ACYP2: variants seen among roughly 807,000 people sequenced by gnomAD.
The protein encoded by ACYP2 is acylphosphatase-2.
Under a neutral mutation model 11.2 loss-of-function variants are expected in ACYP2, and 12 were observed. The observed-to-expected ratio is 1.08, with a 90% confidence interval of 0.69 to 1.74. The LOEUF (loss-of-function observed/expected upper bound fraction) is 1.74. Among genes scored for constraint, ACYP2 ranks in the 40% most tolerant of loss-of-function variants. The probability of loss-of-function intolerance (pLI) is 0.00; values close to 1 mark genes in which losing one functional copy is unlikely to be tolerated. For missense variants in ACYP2, 134 were observed against 101.9 expected, an observed-to-expected ratio of 1.31 and a Z score of -1.35; for synonymous variants, 43 against 32.2, an observed-to-expected ratio of 1.33 and a Z score of -1.13.
At chr2:54,120,467 C>G (rs568553465) in intron 4 of ACYP2, among the ~76,000 whole-genome samples, 2 of 152,306 alleles carry the variant, frequency 1.3e-5, no homozygotes, top group Admixed American at 6.5e-5. Flanking sequence ...ACTAATGACA[C>G]TCCTAGAAAT....
At chr2:54,068,242 C>T (rs1480101695) in intron 4 of ACYP2, among the ~76,000 whole-genome samples, 1 of 152,092 alleles carries the variant, frequency 6.6e-6, no homozygotes, top group African/African-American at 2.4e-5. Context: ...ACAGTCCTAT[C>T]CATTTGTTGT....
intron 6 of ACYP2, among the ~76,000 whole-genome samples, chr2:54,217,009 A>T (rs1024650879): frequency 2.6e-5 from 4 of 152,218 alleles, no homozygotes; most frequent in Non-Finnish European, 5.9e-5. Context: ...CATACTTGTA[A>T]ATCATTTATT....
At chr2:54,169,401 C>T (rs1683135625) in intron 6 of ACYP2, among the ~76,000 whole-genome samples, 1 of 152,186 alleles carries the variant, frequency 6.6e-6, no homozygotes, top group African/African-American at 2.4e-5. Context: ...CACACATGCT[C>T]ACCTTCGTTT....
At chr2:54,261,710 C>T (rs999892926) in intron 6 of ACYP2, among the ~76,000 whole-genome samples, 37 of 152,150 alleles carry the variant, frequency 2.4e-4, no homozygotes, top group Non-Finnish European at 7.3e-5. Flanking sequence ...ATTTAACATA[C>T]AGAACTATTT....
chr2:54,132,989 C>T (rs774267560), intron 4 of ACYP2, among the ~76,000 whole-genome samples: 2 of 152,140 alleles, frequency 1.3e-5, no homozygotes, highest in Non-Finnish European at 2.9e-5. Context: ...GGTGATCCAC[C>T]CGCCTTGGCC....
chr2:54,295,441 G>T (rs938523134), intron 6 of ACYP2, among the ~76,000 whole-genome samples: 2 of 152,018 alleles, frequency 1.3e-5, no homozygotes, highest in Non-Finnish European at 2.9e-5. Context: ...AAAATGTGAG[G>T]GTTTTGTTTT....
At chr2:54,001,392 A>G (rs1209734182) in intron 2 of ACYP2, among the ~76,000 whole-genome samples, 1 of 152,102 alleles carries the variant, frequency 6.6e-6, no homozygotes, top group Non-Finnish European at 1.5e-5. Context: ...AAATTTAAAA[A>G]TATGTATTTT....
At chr2:54,275,841 A>C (rs1688538747) in intron 6 of ACYP2, among the ~76,000 whole-genome samples, 1 of 152,230 alleles carries the variant, frequency 6.6e-6, no homozygotes, top group Non-Finnish European at 1.5e-5. Context: ...ATAAGGGCAA[A>C]ATACATTCTG....
chr2:54,052,079 A>AATAAATAAATAG (rs1675896434), intron 3 of ACYP2, among the ~76,000 whole-genome samples: 6 of 144,590 alleles, frequency 4.1e-5, no homozygotes, highest in Admixed American at 2.8e-4. Flanking sequence ...TAAATAAATA[A>AATAAATAAATAG]ATAGAGGGAA....
At chr2:53,992,853 C>T (rs1429019851) in intron 2 of ACYP2, among the ~76,000 whole-genome samples, 2 of 147,846 alleles carry the variant, frequency 1.4e-5, no homozygotes, top group African/African-American at 5.0e-5. Context: ...AAAAAGTTTT[C>T]CAGTGACGGG....
At chr2:54,227,723 T>C (rs2103961015) in intron 6 of ACYP2, among the ~76,000 whole-genome samples, 1 of 152,334 alleles carries the variant, frequency 6.6e-6, no homozygotes, top group Non-Finnish European at 1.5e-5. Flanking sequence ...ATCAGAGTGG[T>C]AATACTTTAA....
intron 6 of ACYP2, among the ~76,000 whole-genome samples, chr2:54,155,484 C>T (rs1205692824): frequency 1.3e-5 from 2 of 152,190 alleles, no homozygotes; most frequent in Non-Finnish European, 2.9e-5. Flanking sequence ...GGCAGTACCA[C>T]CTGAGCTCCA....
intron 2 of ACYP2, among the ~76,000 whole-genome samples, chr2:54,049,740 TAAG>T (rs1271993945): frequency 6.6e-6 from 1 of 152,210 alleles, no homozygotes; most frequent in Non-Finnish European, 1.5e-5. Context: ...CATCTCAGAA[TAAG>T]AAGCTTGCTC....
intron 6 of ACYP2, among the ~76,000 whole-genome samples, chr2:54,207,173 ATGTGTGTG>A (rs58920943): frequency 1.0e-3 from 141 of 138,722 alleles, no homozygotes; most frequent in Admixed American, 9.2e-3. Flanking sequence ...CAACATGTAT[ATGTGTGTG>A]TGTGTGTGTG....
chr2:54,257,948 A>G (rs1202239466), intron 6 of ACYP2, among the ~76,000 whole-genome samples: 2 of 152,226 alleles, frequency 1.3e-5, no homozygotes, highest in Admixed American at 1.3e-4. Flanking sequence ...ACTGCTACCA[A>G]ACCTTCAAGG....
In ACYP2 at chr2:54,051,433, T is replaced by G. The variant is rs1001077473; in HGVS notation, c.155+383T>G. 9 of 716,712 alleles carry G rather than the reference T, an allele frequency of 1.3e-5. No homozygotes were observed. The African/African-American group carries it at 1.6e-4, about 13-fold the overall frequency. 44.4% of individuals were successfully genotyped at this position (716,712 alleles called of 1,614,324 possible). On this transcript the variant is annotated intron_variant, in intron 3 of 6. Coordinates refer to ENST00000607452, the MANE Select transcript of ACYP2 (RefSeq NM_001320586.2). Reference sequence around the variant, plus strand: ...CCATTATGAAAGAGAAATGAAAATCTATATCCCTCCTAAACGGGTGACAAA... The same window carrying G: ...CCATTATGAAAGAGAAATGAAAATCGATATCCCTCCTAAACGGGTGACAAA...
chr2:54,246,699 A>T (rs1686969615), intron 6 of ACYP2, among the ~76,000 whole-genome samples: 1 of 152,012 alleles, frequency 6.6e-6, no homozygotes, highest in African/African-American at 2.4e-5. Context: ...TCTTTCTCTT[A>T]GTAATTGTAT....
chr2:54,274,070 G>A (rs909249789), intron 6 of ACYP2, among the ~76,000 whole-genome samples: 1 of 152,152 alleles, frequency 6.6e-6, no homozygotes, highest in Non-Finnish European at 1.5e-5. Context: ...ACCTGAGACT[G>A]AGCAATTTAC....
chr2:54,115,184 T>A (rs929774782), intron 4 of ACYP2, among the ~76,000 whole-genome samples: 2 of 152,204 alleles, frequency 1.3e-5, no homozygotes, highest in Non-Finnish European at 2.9e-5. Flanking sequence ...AGATCTTAAA[T>A]GTTCTCTTCA....
Sources: gnomAD v4.1 joint callset for allele counts (sites outside exome capture counted in the v4.1 genomes callset) on GRCh38, gnomAD v4.1.1 for gene constraint, MANE v1.5 for transcripts, NCBI Gene and HGNC (gene_info 2026-07-23, HGNC 2026-07-21) for gene names.